Variants in KCNT2 observed in about 807,000 individuals in gnomAD.
KCNT2 encodes the protein potassium sodium-activated channel subfamily T member 2, also known as potassium channel subfamily T member 2.
In KCNT2, 67 loss-of-function variants were observed where a neutral mutation model predicts 153.8. The observed-to-expected ratio is 0.44, with a 90% CI of 0.36 to 0.53. The LOEUF (loss-of-function observed/expected upper bound fraction) is 0.53. KCNT2 is among the 20% of genes least tolerant of loss of function. The probability of loss-of-function intolerance (pLI) is 0.00; values close to 1 mark genes in which losing one functional copy is unlikely to be tolerated. For synonymous variants in KCNT2, 500 were observed against 458.8 expected (o/e 1.09, Z -1.15); for missense variants, 975 against 1,354.8 (o/e 0.72, Z 4.40).
intron 13 of KCNT2, among the ~76,000 whole-genome samples, chr1:196,393,312 A>G (rs937107613): frequency 1.3e-5 from 2 of 151,536 alleles, no homozygotes; most frequent in African/African-American, 4.8e-5. Context: ...TGAGGAAGCT[A>G]AGAGAACTGA....
chr1:196,502,190 C>A (rs1680758501), intron 1 of KCNT2, among the ~76,000 whole-genome samples: 1 of 152,146 alleles, frequency 6.6e-6, no homozygotes, highest in Non-Finnish European at 1.5e-5. Context: ...CCAACCTCTA[C>A]TCTATGTACA....
intron 4 of KCNT2, among the ~76,000 whole-genome samples, chr1:196,481,954 A>G (rs1372353321): frequency 6.6e-6 from 1 of 152,160 alleles, no homozygotes; most frequent in Non-Finnish European, 1.5e-5. Context: ...ACCATATTCC[A>G]GACACTAAGA....
intron 14 of KCNT2, among the ~76,000 whole-genome samples, chr1:196,362,314 T>C (rs1667700897): frequency 6.6e-6 from 1 of 152,126 alleles, no homozygotes; most frequent in African/African-American, 2.4e-5. Flanking sequence ...TTGTGGTCTT[T>C]CTCAGTCCTT....
At position 196,285,523 on chromosome 1, in the gene KCNT2, A is replaced by T; in HGVS notation, c.2697+134T>A. ...ATTTATGTCATTAAGTACATGAAATAAAATACTGAATTACTTTTGGAGCCA... is the reference window on the plus strand; with the variant it reads ...ATTTATGTCATTAAGTACATGAAATTAAATACTGAATTACTTTTGGAGCCA... On this transcript the variant is annotated intron_variant, in intron 23 of 27. Transcript: ENST00000294725. 5.3e-6 allele frequency: 3 copies of T among 562,794 alleles called. No individual in the cohort carries two copies. The Admixed American group carries it at 1.0e-4, about 19-fold the overall frequency. 34.9% of individuals were successfully genotyped at this position (562,794 alleles called of 1,614,324 possible).
intron 1 of KCNT2, 83 bp from the exon 2 acceptor site, chr1:196,492,424 T>C (rs998477432): frequency 2.7e-5 from 27 of 994,502 alleles, no homozygotes; most frequent in African/African-American, 3.4e-5. Context: ...TATAAATTGA[T>C]CTGTAGTTCT....
intron 20 of KCNT2, 138 bp downstream of exon 20, chr1:196,319,346 A>G (rs973767819): frequency 1.7e-5 from 8 of 477,286 alleles, no homozygotes; most frequent in African/African-American, 1.6e-4. Flanking sequence ...ACACGAGAAC[A>G]TAAGCTCTAC....
At chr1:196,298,216 T>C (rs1334395970) in intron 22 of KCNT2, among the ~76,000 whole-genome samples, 2 of 152,116 alleles carry the variant, frequency 1.3e-5, no homozygotes, top group Admixed American at 1.3e-4. Context: ...ATTGTGACAC[T>C]ACCTGGAGTT....
intron 8 of KCNT2, among the ~76,000 whole-genome samples, chr1:196,460,072 T>TA (rs535118633): frequency 3.7e-4 from 56 of 151,478 alleles, no homozygotes; most frequent in Admixed American, 3.4e-3. Context: ...TCACAAATTC[T>TA]AAAAAAAAGC....
intron 17 of KCNT2, among the ~76,000 whole-genome samples, chr1:196,333,514 C>T (rs1019835623): frequency 1.3e-5 from 2 of 151,890 alleles, no homozygotes; most frequent in South Asian, 2.1e-4. Context: ...GTATAAAGTA[C>T]AATATACTAT....
chr1:196,249,572 A>T (rs1571791602), intron 26 of KCNT2, among the ~76,000 whole-genome samples: 1 of 152,294 alleles, frequency 6.6e-6, no homozygotes, highest in East Asian at 1.9e-4. Context: ...CAGGAGTTTG[A>T]GACCAGCCTG....
At chr1:196,305,367 G>A (rs1661528205) in intron 21 of KCNT2, 22 bp from the exon 22 acceptor site, 1 of 1,207,164 alleles carries the variant, frequency 8.3e-7, no homozygotes, top group Non-Finnish European at 1.2e-6. Context: ...AAGAACATTT[G>A]CATTACACTA....
chr1:196,398,384 C>T (rs1671127966), intron 13 of KCNT2, among the ~76,000 whole-genome samples, 179 bp downstream of exon 13: 1 of 151,506 alleles, frequency 6.6e-6, no homozygotes, highest in Non-Finnish European at 1.5e-5. Flanking sequence ...AAAGTATTAT[C>T]TTGTCACATA....
At chr1:196,315,024 C>T (rs537139939) in intron 21 of KCNT2, among the ~76,000 whole-genome samples, 2 of 151,748 alleles carry the variant, frequency 1.3e-5, no homozygotes, top group Admixed American at 1.3e-4. Flanking sequence ...TCTAGGCTCT[C>T]TCCTTTGAAT....
intron 8 of KCNT2, among the ~76,000 whole-genome samples, chr1:196,444,116 G>A (rs1675481513): frequency 6.6e-6 from 1 of 151,486 alleles, no homozygotes; most frequent in African/African-American, 2.4e-5. Flanking sequence ...GAGAGTATGT[G>A]TGTGTGTGTG....
chr1:196,594,333 G>A (rs1663787641), intron 1 of KCNT2, among the ~76,000 whole-genome samples: 1 of 152,064 alleles, frequency 6.6e-6, no homozygotes. Context: ...ACAATGCCTA[G>A]GCTTAGAATG....
Position 196,331,251 on chromosome 1 carries a change from C to A in KCNT2, c.2008G>T (p.Gly670Cys), listed in dbSNP as rs200491560. The change falls in exon 18 of 28, where the codon GGT becomes TGT. Residue 670 changes from glycine to cysteine, a missense_variant. By Grantham distance (159) the Gly-to-Cys change is radical. Around this residue, in one of 6 missense-constraint regions of KCNT2, gnomAD observed 325 missense variants for 388.1 expected, o/e 0.84. Coordinates refer to ENST00000294725, the MANE Select transcript of KCNT2 (RefSeq NM_198503.5). ...ATATATGGAGAATAAGGTGGGTAAC[C>A]TTTAGCATACCTGTAAAATAATACA... ...EMSSNLEYAK[G>C]YPPYSPYIGS... 6.5e-6 allele frequency: 10 copies of A among 1,548,434 alleles called. No individual in the cohort carries two copies. Among genetic ancestry groups the A allele is most frequent in the African/African-American group, 1.4e-5 (1 of 73,514 alleles).
Position 196,602,949 on chromosome 1 carries a change from G to A in KCNT2, c.95+5266C>T, listed in dbSNP as rs970427673. Among the ~76,000 whole-genome samples the A allele has an allele frequency of 4.9e-4, 73 of 150,514 alleles. No homozygotes were observed. The East Asian group carries it at 5.7e-3, about 12-fold the overall frequency. ...CTACAGGCGCCCGCCACCGCGCCCGGCTAATTTTTTGTATTTTTAGTAGAG... is the reference window on the plus strand; with the variant it reads ...CTACAGGCGCCCGCCACCGCGCCCGACTAATTTTTTGTATTTTTAGTAGAG... On this transcript the variant is annotated intron_variant, in intron 1 of 27. Transcript: ENST00000294725.
At chr1:196,479,887 AACAAAAT>A (rs2148699755) in intron 4 of KCNT2, among the ~76,000 whole-genome samples, 1 of 152,368 alleles carries the variant, frequency 6.6e-6, no homozygotes, top group African/African-American at 2.4e-5. Flanking sequence ...ACCCATGTGA[AACAAAAT>A]AAAAAGGCTA....
intron 1 of KCNT2, among the ~76,000 whole-genome samples, chr1:196,546,229 T>G (rs1056352904): frequency 6.6e-6 from 1 of 152,132 alleles, no homozygotes; most frequent in Non-Finnish European, 1.5e-5. Context: ...TGAATTATCT[T>G]TATAATTTCT....
Sources: gnomAD v4.1 joint callset for allele counts (sites outside exome capture counted in the v4.1 genomes callset) on GRCh38, gnomAD v4.1.1 for gene constraint, gnomAD v4.1.1 regional missense constraint, MANE v1.5 for transcripts, NCBI Gene and HGNC (gene_info 2026-07-23, HGNC 2026-07-21) for gene names.